Variants in FANCB observed in about 807,000 individuals in gnomAD.
FANCB encodes Fanconi anemia group B protein.
Under a neutral mutation model 38.9 loss-of-function variants are expected in FANCB, and 5 were observed. That is an observed-to-expected ratio of 0.13 (90% CI 0.07 to 0.27). The LOEUF (loss-of-function observed/expected upper bound fraction) is 0.27. Ranked by LOEUF, FANCB falls within the 10% of genes least tolerant of loss-of-function variation. The pLI is 1.00. For synonymous variants in FANCB, 236 were observed against 215.4 expected (o/e 1.10, Z -0.84); for missense variants, 573 against 602.7 (o/e 0.95, Z 0.52).
the FANCB span, among the ~76,000 whole-genome samples, chrX:14,718,082 C>T: frequency 9.0e-6 from 1 of 110,711 alleles, no homozygotes; most frequent in Non-Finnish European, 1.9e-5. Flanking sequence ...TATGACATTA[C>T]ATTATAGTGC....
At chrX:14,766,556 T>C in the FANCB span, among the ~76,000 whole-genome samples, 13 of 112,135 alleles carry the variant, frequency 1.2e-4, no homozygotes, top group Admixed American at 1.2e-3. Context: ...GTAACTTTCT[T>C]AAGGCAAACA....
chrX:14,820,801 T>C, the FANCB span, among the ~76,000 whole-genome samples: 2 of 111,797 alleles, frequency 1.8e-5, no homozygotes, highest in Non-Finnish European at 3.8e-5. Context: ...CATTTTATTA[T>C]AGTTATAGAT....
At chrX:14,810,621 G>A in the FANCB span, among the ~76,000 whole-genome samples, 1 of 110,362 alleles carries the variant, frequency 9.1e-6, no homozygotes, top group African/African-American at 3.3e-5. Context: ...AGAGAAAAAA[G>A]AATAAAAAGA....
Position 14,845,063 on chromosome X carries a change from A to T in FANCB, c.1720T>A (p.Cys574Ser), listed in dbSNP as rs200303151. Residue 574 changes from cysteine (C) to serine (S), a missense_variant, in exon 8 of 10, where the codon TGT (cysteine) becomes AGT (serine). Coordinates refer to ENST00000650831, the MANE Select transcript of FANCB (RefSeq NM_001018113.3). The part of the protein sequence containing the change: ...FVCEHPSKKE[C>S]VQIITAVTSL... ...GTTACAGCAGTAATTATCTGTACAC[A>T]CTCTTTCTTAGATGGGTGTTCACAA... 42 of 1,206,086 alleles carry T rather than the reference A, an allele frequency of 3.5e-5. No homozygotes were observed. The African/African-American group carries it at 5.6e-4, about 16-fold the overall frequency.
intron 5 of FANCB, among the ~76,000 whole-genome samples, chrX:14,855,490 T>C (rs2092419266): frequency 8.9e-6 from 1 of 112,104 alleles, no homozygotes; most frequent in South Asian, 3.6e-4. Context: ...GTTTAAAGCC[T>C]TTCATATTTT....
the FANCB span, among the ~76,000 whole-genome samples, chrX:14,742,823 T>G: frequency 8.9e-6 from 1 of 112,754 alleles, no homozygotes; most frequent in Non-Finnish European, 1.9e-5. Flanking sequence ...TTTGACCTAC[T>G]ACAGAAAGGT....
At chrX:14,733,498 A>G in the FANCB span, among the ~76,000 whole-genome samples, 1 of 112,183 alleles carries the variant, frequency 8.9e-6, no homozygotes, top group Admixed American at 9.4e-5. Context: ...CTTTCAATCA[A>G]TGAGCATGGA....
chrX:14,710,285 T>G, the FANCB span, among the ~76,000 whole-genome samples: 4 of 112,065 alleles, frequency 3.6e-5, no homozygotes, highest in East Asian at 1.1e-3. Context: ...CTGAGCTACT[T>G]CCAGCAGAAA....
chrX:14,857,785 G>A, intron 5 of FANCB, 77 bp downstream of exon 5: 1 of 721,514 alleles, frequency 1.4e-6, no homozygotes, highest in East Asian at 3.2e-5. Context: ...TATACTTTAA[G>A]GACCTTTCTT....
chrX:14,815,052 C>G, the FANCB span, among the ~76,000 whole-genome samples: 1 of 111,260 alleles, frequency 9.0e-6, no homozygotes, highest in Admixed American at 9.6e-5. Flanking sequence ...CCATCATTCT[C>G]AGCAAACTAT....
chrX:14,812,862 A>T, the FANCB span, among the ~76,000 whole-genome samples: 1 of 109,853 alleles, frequency 9.1e-6, no homozygotes, highest in Non-Finnish European at 1.9e-5. Flanking sequence ...GATACAACCA[A>T]AAAAGAGAAT....
At chrX:14,751,512 G>T in the FANCB span, among the ~76,000 whole-genome samples, 1 of 112,146 alleles carries the variant, frequency 8.9e-6, no homozygotes, top group Non-Finnish European at 1.9e-5. Context: ...CATGAACATG[G>T]CTTGTGGGAT....
intron 10 of FANCB, among the ~76,000 whole-genome samples, chrX:14,838,199 T>C (rs969799453): frequency 2.7e-5 from 3 of 112,191 alleles, no homozygotes; most frequent in African/African-American, 9.7e-5. Context: ...TCAATAAATA[T>C]TCACTATTTA....
chrX:14,691,812 T>C, the FANCB span, among the ~76,000 whole-genome samples: 1 of 112,047 alleles, frequency 8.9e-6, no homozygotes, highest in South Asian at 3.7e-4. Flanking sequence ...ATATGAAGAA[T>C]GTTACCTCCT....
chrX:14,838,267 T>C (rs1380956734), intron 10 of FANCB, among the ~76,000 whole-genome samples: 1 of 111,755 alleles, frequency 8.9e-6, no homozygotes, highest in African/African-American at 3.3e-5. Flanking sequence ...ATTTTAACAC[T>C]TTTCCTAAAT....
chrX:14,719,355 C>CA, the FANCB span, among the ~76,000 whole-genome samples: 1 of 111,120 alleles, frequency 9.0e-6, no homozygotes, highest in African/African-American at 3.3e-5. Flanking sequence ...AACTCAACAG[C>CA]AAAAAATCCA....
At chrX:14,726,855 C>A in the FANCB span, among the ~76,000 whole-genome samples, 15 of 112,115 alleles carry the variant, frequency 1.3e-4, no homozygotes, top group Admixed American at 2.8e-4. Context: ...CTTTCTATTT[C>A]TTTAGGGGCT....
At chrX:14,691,332 TGC>T in the FANCB span, among the ~76,000 whole-genome samples, 7 of 71,282 alleles carry the variant, frequency 9.8e-5, no homozygotes, top group African/African-American at 3.0e-4. Flanking sequence ...TGTGCGCGCG[TGC>T]GTGCGTGTAC....
At chrX:14,726,153 A>G in the FANCB span, among the ~76,000 whole-genome samples, 3,282 of 112,111 alleles carry the variant, frequency 0.029, 117 homozygotes, top group African/African-American at 0.1. Context: ...ATTGTTCTTT[A>G]TTTTAGTTTC....
Sources: allele counts gnomAD v4.1 joint callset (sites outside exome capture counted in the v4.1 genomes callset), GRCh38; gene constraint gnomAD v4.1.1; transcripts MANE v1.5; gene names NCBI Gene and HGNC (gene_info 2026-07-23, HGNC 2026-07-21).